The following SOX6 variants were observed in gnomAD, a reference collection of about 807,000 sequenced individuals.
SOX6 encodes SRY-box transcription factor 6, also known as transcription factor SOX-6.
In SOX6, 11 loss-of-function variants were observed where a neutral mutation model predicts 97.8. The ratio of observed to expected loss-of-function variants is 0.11; its 90% CI spans 0.07 to 0.19. The LOEUF (loss-of-function observed/expected upper bound fraction) is 0.19, where lower values mean the gene tolerates loss of function less well. SOX6 is among the 10% of genes least tolerant of loss of function. The pLI is 1.00. For missense variants in SOX6, 810 were observed against 1,039.5 expected, an observed-to-expected ratio of 0.78 and a Z score of 3.04; for synonymous variants, 360 against 371.4, an observed-to-expected ratio of 0.97 and a Z score of 0.35.
chr11:16,349,706 A>AAGGAAGGAAGGAAGGAAGGAAGGG, intron 1 of SOX6, among the ~76,000 whole-genome samples: 1 of 44,236 alleles, frequency 2.3e-5, no homozygotes, highest in East Asian at 5.1e-4. Context: ...GGAAGGAAGG[A>AAGGAAGGAAGGAAGGAAGGAAGGG]AGGAAGGAAG....
At chr11:16,483,547 G>C (rs184326261) in intron 4 of SOX6, among the ~76,000 whole-genome samples, 1 of 152,096 alleles carries the variant, frequency 6.6e-6, no homozygotes, top group Non-Finnish European at 1.5e-5. Flanking sequence ...AAGCAAACTG[G>C]AAGAGACCTC....
chr11:16,721,022 G>A (rs571905060), intron 2 of SOX6, among the ~76,000 whole-genome samples: 4 of 152,258 alleles, frequency 2.6e-5, no homozygotes, highest in Admixed American at 2.6e-4. Context: ...GCACCAATTG[G>A]CCAACTTTGG....
chr11:16,636,206 G>C (rs1045530120), intron 3 of SOX6, among the ~76,000 whole-genome samples: 25 of 152,192 alleles, frequency 1.6e-4, no homozygotes, highest in African/African-American at 6.0e-4. Flanking sequence ...GCTGTGCCCT[G>C]CAAAGCTACA....
intron 4 of SOX6, among the ~76,000 whole-genome samples, chr11:16,572,397 A>G (rs1040437749): frequency 5.3e-5 from 8 of 152,228 alleles, no homozygotes; most frequent in African/African-American, 1.9e-4. Flanking sequence ...AAAAAACTTT[A>G]AGAAATACTT....
At chr11:16,086,999 G>A (rs988707708) in intron 9 of SOX6, among the ~76,000 whole-genome samples, 2 of 152,098 alleles carry the variant, frequency 1.3e-5, no homozygotes, top group South Asian at 2.1e-4. Context: ...AGTCAACAGA[G>A]CTTAATGCCA....
At chr11:16,310,071 G>C (rs1855553467) in intron 3 of SOX6, among the ~76,000 whole-genome samples, 1 of 152,002 alleles carries the variant, frequency 6.6e-6, no homozygotes, top group Non-Finnish European at 1.5e-5. Flanking sequence ...ATCTTCAAAT[G>C]AATTTTTAAA....
chr11:16,644,402 C>A (rs1848978753), intron 3 of SOX6, among the ~76,000 whole-genome samples: 1 of 152,144 alleles, frequency 6.6e-6, no homozygotes, highest in African/African-American at 2.4e-5. Context: ...ACAAAGTAGG[C>A]TGAAAATTTA....
At chr11:16,677,588 A>G (rs914769093) in intron 3 of SOX6, among the ~76,000 whole-genome samples, 2 of 152,136 alleles carry the variant, frequency 1.3e-5, no homozygotes, top group African/African-American at 2.4e-5. Context: ...GTGATGAATT[A>G]TTCTTTCTAC....
chr11:16,110,902 C>T (rs1288749351), intron 7 of SOX6, among the ~76,000 whole-genome samples: 1 of 152,202 alleles, frequency 6.6e-6, no homozygotes, highest in Non-Finnish European at 1.5e-5. Flanking sequence ...GAAACTGCTG[C>T]ACGCAGATTT....
chr11:16,490,609 A>G (rs985082198), intron 4 of SOX6, among the ~76,000 whole-genome samples: 1 of 152,072 alleles, frequency 6.6e-6, no homozygotes, highest in African/African-American at 2.4e-5. Context: ...GATAAAGATA[A>G]TAGTAACAGT....
chr11:16,108,090 A>G (rs556766629), intron 7 of SOX6, among the ~76,000 whole-genome samples: 1 of 152,332 alleles, frequency 6.6e-6, no homozygotes, highest in South Asian at 2.1e-4. Flanking sequence ...GATGACAAAA[A>G]GTGAGGTTCA....
chr11:16,363,858 AG>A (rs1459820924), intron 1 of SOX6, among the ~76,000 whole-genome samples: 1 of 152,080 alleles, frequency 6.6e-6, no homozygotes, highest in East Asian at 1.9e-4. Context: ...TTTTCAGATG[AG>A]GGAACTAACC....
At chr11:16,097,188 T>C (rs553398222) in intron 8 of SOX6, among the ~76,000 whole-genome samples, 1 of 151,962 alleles carries the variant, frequency 6.6e-6, no homozygotes, top group Non-Finnish European at 1.5e-5. Context: ...TCATGTAATT[T>C]GAAAATAACA....
intron 6 of SOX6, among the ~76,000 whole-genome samples, chr11:16,147,983 C>T (rs1316813443): frequency 6.6e-6 from 1 of 152,158 alleles, no homozygotes; most frequent in African/African-American, 2.4e-5. Flanking sequence ...TTCATAACTA[C>T]TTTGTCAAAG....
At chr11:16,047,154 C>G (rs943394047) in intron 11 of SOX6, among the ~76,000 whole-genome samples, 1 of 151,980 alleles carries the variant, frequency 6.6e-6, no homozygotes, top group African/African-American at 2.4e-5. Context: ...TCATTTCTGG[C>G]CCGCAGAAAA....
chr11:16,226,103 T>C (rs555443518), intron 4 of SOX6, among the ~76,000 whole-genome samples: 21 of 152,288 alleles, frequency 1.4e-4, no homozygotes, highest in African/African-American at 4.8e-4. Flanking sequence ...TGAAAAACAT[T>C]GGGAATCATT....
At chr11:16,654,039 A>T (rs924938501) in intron 3 of SOX6, among the ~76,000 whole-genome samples, 2 of 152,124 alleles carry the variant, frequency 1.3e-5, no homozygotes, top group East Asian at 3.8e-4. Context: ...TTTGTATTTC[A>T]CACCTTCACT....
chr11:15,979,691 A>C (rs538193438), intron 15 of SOX6, among the ~76,000 whole-genome samples: 21 of 152,202 alleles, frequency 1.4e-4, no homozygotes, highest in Admixed American at 3.9e-4. Flanking sequence ...TCTCGCCTCA[A>C]AACCTTTACA....
At chr11:16,103,313 C>T (rs1015627620) in intron 7 of SOX6, among the ~76,000 whole-genome samples, 1 of 151,634 alleles carries the variant, frequency 6.6e-6, no homozygotes, top group African/African-American at 2.4e-5. Context: ...CAAATCAAAA[C>T]CACAAGGCAA....
Sources: allele counts gnomAD v4.1 joint callset (sites outside exome capture counted in the v4.1 genomes callset), GRCh38; gene constraint gnomAD v4.1.1; transcripts MANE v1.5; gene names NCBI Gene and HGNC (gene_info 2026-07-23, HGNC 2026-07-21).